The following MAX variants were observed in gnomAD, a reference collection of about 807,000 sequenced individuals.
MAX encodes the protein protein max.
MAX carries 3 observed loss-of-function variants against 22.3 expected under a neutral mutation model. The ratio of observed to expected loss-of-function variants is 0.13; its 90% CI spans 0.06 to 0.35. The LOEUF is 0.35. MAX is among the 10% of genes least tolerant of loss of function. The pLI, the probability that MAX is intolerant of heterozygous loss-of-function variation, is 1.00. For missense variants in MAX, 119 were observed against 209.4 expected (o/e 0.57, Z 2.66); for synonymous variants, 72 against 77.7 (o/e 0.93, Z 0.39).
At chr14:65,053,402 G>A (rs554285177) in intron 3 of MAX, 10 of 1,315,708 alleles carry the variant, frequency 7.6e-6, no homozygotes, top group Non-Finnish European at 9.9e-6. Flanking sequence ...AGAGCAGAGG[G>A]GCGTGCACCT....
chr14:65,039,733 G>A (rs1264978885), intron 3 of MAX, among the ~76,000 whole-genome samples: 3 of 152,162 alleles, frequency 2.0e-5, no homozygotes, highest in Non-Finnish European at 4.4e-5. Flanking sequence ...GGTTTATTTG[G>A]CTCATGGTTC....
rs2062961356 is a variant in MAX at position 65,069,164 on chromosome 14, G to C, written c.171+24544C>G. On this transcript the variant is annotated intron_variant, in intron 3 of 3. Transcript: ENST00000341653. This position sits in a 1 kb window ranked among gnomAD's most constrained non-coding sequence, Gnocchi z 4.6. The stretch of plus-strand genomic sequence containing the variant: ...GGCTGCCATGTGCCTGGATACCAAG[G>C]GACCAGTGAAAGTGGTGGAATAGAA... Among the ~76,000 whole-genome samples the C allele has an allele frequency of 6.6e-6, 1 of 152,174 alleles. No individual in the cohort carries two copies. The highest frequency in any genetic ancestry group is 1.9e-4 in the East Asian group (1 of 5,186).
chr14:65,098,765 G>A (rs1017918137), intron 2 of MAX, among the ~76,000 whole-genome samples: 2 of 152,176 alleles, frequency 1.3e-5, no homozygotes, highest in African/African-American at 4.8e-5. Context: ...ACTGGCCATT[G>A]GAGAAGCTGT....
At chr14:65,017,800 C>A (rs967872561) in intron 3 of MAX, among the ~76,000 whole-genome samples, 1 of 151,734 alleles carries the variant, frequency 6.6e-6, no homozygotes, top group Non-Finnish European at 1.5e-5. Context: ...TACTAAAATA[C>A]AAAAATTAGC....
In MAX at chr14:65,027,537, A is replaced by G. The variant is rs372853905; in HGVS notation, c.172-21253T>C. 1.5e-4 allele frequency: 239 copies of G among 1,614,206 alleles called. 2 individuals are homozygous for G. The East Asian group carries it at 3.3e-3, about 22-fold the overall frequency. On this transcript the variant is annotated intron_variant, in intron 3 of 3. Coordinates refer to the MAX transcript ENST00000341653. This position sits in a 1 kb window ranked among gnomAD's most constrained non-coding sequence, Gnocchi z 5.7. ...GTCAGTATCCACACCTTGCACCCACATATGCAGCAGTCAATGCATTGTGCA... is the reference window on the plus strand; with the variant it reads ...GTCAGTATCCACACCTTGCACCCACGTATGCAGCAGTCAATGCATTGTGCA...
intron 3 of MAX, among the ~76,000 whole-genome samples, chr14:65,049,841 T>C (rs1042308698): frequency 3.3e-5 from 5 of 152,130 alleles, no homozygotes; most frequent in Non-Finnish European, 7.4e-5. Flanking sequence ...ACCTATTCAG[T>C]TGCGAACCAT....
intron 3 of MAX, among the ~76,000 whole-genome samples, chr14:65,020,824 C>G (rs528210067): frequency 6.6e-6 from 1 of 150,664 alleles, no homozygotes; most frequent in Non-Finnish European, 1.5e-5. Context: ...CTCCACCTCC[C>G]GGGTTCAAGT....
chr14:65,086,224 T>C (rs1374009116), intron 3 of MAX, among the ~76,000 whole-genome samples: 1 of 152,218 alleles, frequency 6.6e-6, no homozygotes, highest in African/African-American at 2.4e-5. Context: ...GTCTCAGGTA[T>C]GTCTTTATCA....
At chr14:65,102,532 A>T, upstream of MAX, 1 of 1,449,728 alleles carries the variant, frequency 6.9e-7, no homozygotes, top group Non-Finnish European at 9.1e-7. Context: ...CACCGGATCA[A>T]CGGCGGCACG....
At chr14:65,100,564 C>T (rs1415574809) in intron 2 of MAX, among the ~76,000 whole-genome samples, 14 of 152,220 alleles carry the variant, frequency 9.2e-5, no homozygotes, top group Admixed American at 9.2e-4. Flanking sequence ...AGAGGCACTG[C>T]TCTCCAGTAC....
intron 3 of MAX, among the ~76,000 whole-genome samples, chr14:65,025,051 G>GTT (rs1566550532): frequency 6.6e-6 from 1 of 152,210 alleles, no homozygotes; most frequent in African/African-American, 2.4e-5. Context: ...TAAGGTGCAA[G>GTT]TTGGAAAGCC....
At chr14:65,041,197 C>T (rs1170848847) in intron 3 of MAX, among the ~76,000 whole-genome samples, 2 of 152,108 alleles carry the variant, frequency 1.3e-5, no homozygotes, top group Non-Finnish European at 2.9e-5. Context: ...ACTTCAGTTT[C>T]GTAGAATTAG....
At chr14:65,092,897 A>G (rs555697865) in intron 3 of MAX, among the ~76,000 whole-genome samples, 2 of 152,372 alleles carry the variant, frequency 1.3e-5, no homozygotes, top group Admixed American at 6.5e-5. Context: ...CACTAAAGCA[A>G]AAACACAGGT....
chr14:65,024,106 A>G (rs1309470009), intron 3 of MAX, among the ~76,000 whole-genome samples: 1 of 151,028 alleles, frequency 6.6e-6, no homozygotes, highest in Non-Finnish European at 1.5e-5. Context: ...CATCTCCTAA[A>G]AAAAAAAAAA....
chr14:65,032,818 T>G lies in MAX; in HGVS notation c.172-26534A>C. The G allele has an allele frequency of 1.3e-6, 1 of 787,222 alleles. No homozygotes were observed. Among genetic ancestry groups the G allele is most frequent in the Non-Finnish European group, 1.9e-6 (1 of 539,758 alleles). 48.8% of individuals were successfully genotyped at this position (787,222 alleles called of 1,614,324 possible). A position where few individuals can be genotyped will look rare whatever the true frequency, so the allele number is the denominator to read the frequency against. On this transcript the variant is annotated intron_variant, in intron 3 of 3. Coordinates refer to the MAX transcript ENST00000341653. This position sits in a 1 kb window ranked among gnomAD's most constrained non-coding sequence, Gnocchi z 5.0. ...AATACAAAAATCACAGGAGATCCAT[T>G]AGGGTTATCTAATGATTTTTTTAAA...
Position 65,077,776 on chromosome 14 carries a change from A to G in MAX, c.295+137T>C, listed in dbSNP as rs2063098993. ...GGACGGCTCTAACACTCAGTTACTC[A>G]GGCCCCAAGAAGCAGGACCAAGCCT... On this transcript the variant is annotated intron_variant, in intron 4 of 4. Coordinates refer to ENST00000358664, the MANE Select transcript of MAX (RefSeq NM_002382.5). This position sits in a 1 kb window ranked among gnomAD's most constrained non-coding sequence, Gnocchi z 6.3. 1.2e-6 allele frequency: 2 copies of G among 1,613,366 alleles called. No homozygotes were observed. The highest frequency in any genetic ancestry group is 1.3e-5 in the African/African-American group (1 of 74,906).
intron 3 of MAX, among the ~76,000 whole-genome samples, chr14:65,051,553 G>C (rs1489812183): frequency 6.6e-6 from 1 of 151,804 alleles, no homozygotes; most frequent in Non-Finnish European, 1.5e-5. Flanking sequence ...GGAGGTTGCA[G>C]TGAGCCGAGA....
Position 65,077,427 on chromosome 14 carries a change from C to T in MAX, c.295+486G>A, listed in dbSNP as rs1187293228. On this transcript the variant is annotated intron_variant, in intron 4 of 4. Coordinates refer to ENST00000358664, the MANE Select transcript of MAX (RefSeq NM_002382.5). This position sits in a 1 kb window ranked among gnomAD's most constrained non-coding sequence, Gnocchi z 6.3. ...AAGAACTTGATCAGCTCTCGCTTTC[C>T]CCTGTGGTTGTAGGAAAAGGCGGGT... 6.2e-7 allele frequency: 1 copy of T among 1,607,322 alleles called. No homozygotes were observed. The highest frequency in any genetic ancestry group is 1.1e-5 in the South Asian group (1 of 90,924).
At chr14:65,101,737 C>T in intron 1 of MAX, 165 bp from the exon 2 acceptor site, 2 of 639,050 alleles carry the variant, frequency 3.1e-6, no homozygotes, top group Admixed American at 2.8e-5. Flanking sequence ...CTTCCACCCT[C>T]GGCGGGATCC....
Sources: allele counts gnomAD v4.1 joint callset (sites outside exome capture counted in the v4.1 genomes callset), GRCh38; gene constraint gnomAD v4.1.1; non-coding constraint Gnocchi (gnomAD v3.1); transcripts MANE v1.5; gene names NCBI Gene and HGNC (gene_info 2026-07-23, HGNC 2026-07-21).